PTPRD: variants seen among roughly 807,000 people sequenced by gnomAD.
PTPRD encodes receptor-type tyrosine-protein phosphatase delta.
Under a neutral mutation model 214.5 loss-of-function variants are expected in PTPRD, and 34 were observed. The ratio of observed to expected loss-of-function variants is 0.16; its 90% CI spans 0.12 to 0.21. The LOEUF (loss-of-function observed/expected upper bound fraction) is 0.21, where lower values mean the gene tolerates loss of function less well. Among genes scored for constraint, PTPRD ranks in the 10% least tolerant of loss-of-function variants. The pLI, the probability that PTPRD is intolerant of heterozygous loss-of-function variation, is 1.00. For missense variants in PTPRD, 2,545 were observed against 2,398.7 expected, an observed-to-expected ratio of 1.06 and a Z score of -1.27; for synonymous variants, 1,128 against 845.7, an observed-to-expected ratio of 1.33 and a Z score of -5.79.
rs1231727729 is a variant in PTPRD at position 8,314,876 on chromosome 9, A to G, written c.*2998T>C. ...ATAGTACAAAGGTATAGAAAGTGCA[A>G]AGTTCCCTAGAGGCCCTTCCCTCCC... is the stretch of plus-strand genomic sequence containing the variant. On this transcript the variant is annotated 3_prime_UTR_variant, in exon 46 of 46. Transcript: ENST00000381196. The G allele has an allele frequency of 2.2e-5, 5 of 232,372 alleles. No homozygotes were observed. The highest frequency in any genetic ancestry group is 6.6e-5 in the African/African-American group (3 of 45,238). 14.4% of individuals were successfully genotyped at this position (232,372 alleles called of 1,614,324 possible).
At chr9:9,794,563 A>T (rs1008819446) in intron 5 of PTPRD, among the ~76,000 whole-genome samples, 1 of 152,098 alleles carries the variant, frequency 6.6e-6, no homozygotes, top group Non-Finnish European at 1.5e-5. Context: ...TAATCAAACA[A>T]GGAGAATTTA....
At chr9:9,310,472 A>G (rs978974314) in intron 9 of PTPRD, among the ~76,000 whole-genome samples, 1 of 152,144 alleles carries the variant, frequency 6.6e-6, no homozygotes, top group African/African-American at 2.4e-5. Flanking sequence ...AAGGTAACTG[A>G]TCCTCTGTTG....
intron 38 of PTPRD, among the ~76,000 whole-genome samples, chr9:8,376,310 A>G (rs897163951): frequency 6.6e-6 from 1 of 152,024 alleles, no homozygotes; most frequent in Non-Finnish European, 1.5e-5. Context: ...GAAGCATTAT[A>G]TTTTTCAGGT....
At chr9:9,172,640 A>G (rs1418207046) in intron 10 of PTPRD, among the ~76,000 whole-genome samples, 2 of 152,110 alleles carry the variant, frequency 1.3e-5, no homozygotes, top group African/African-American at 4.8e-5. Flanking sequence ...GCACTGGCAA[A>G]GGGTTTGGCA....
intron 3 of PTPRD, among the ~76,000 whole-genome samples, chr9:10,231,411 A>G (rs2099609274): frequency 6.6e-6 from 1 of 152,012 alleles, no homozygotes. Context: ...AATTACCTAA[A>G]AACCAGTCAA....
At chr9:9,291,321 C>T (rs530711777) in intron 9 of PTPRD, among the ~76,000 whole-genome samples, 7 of 151,384 alleles carry the variant, frequency 4.6e-5, no homozygotes, top group African/African-American at 1.7e-4. Flanking sequence ...TCTTTTAAAC[C>T]GGAAATTTGA....
intron 9 of PTPRD, among the ~76,000 whole-genome samples, chr9:9,249,123 T>C (rs1238293931): frequency 6.6e-6 from 1 of 152,032 alleles, no homozygotes; most frequent in Non-Finnish European, 1.5e-5. Flanking sequence ...TGCCCTCCTA[T>C]GGTTAAGAGT....
rs1363514053 is a variant in PTPRD, at chr9:8,484,200, T to C, written c.3332A>G (p.Lys1111Arg). 1.2e-6 allele frequency: 2 copies of C among 1,614,108 alleles called. No individual in the cohort carries two copies. Among genetic ancestry groups the C allele is most frequent in the Non-Finnish European group, 1.7e-6 (2 of 1,180,040 alleles). ...AKTAPDVLRT[K>R]PAFIGKTNLD... ...GTTGGTCTTCCCAATGAAGGCAGGCTTGGTACGTAATACATCTGGTGCAGT... is the reference window on the plus strand; with the variant it reads ...GTTGGTCTTCCCAATGAAGGCAGGCCTGGTACGTAATACATCTGGTGCAGT... Residue 1111 changes from lysine to arginine, a missense_variant, in exon 30 of 46, where the codon AAG becomes AGG. By Grantham distance (26) the Lys-to-Arg change is conservative (BLOSUM62 2). Transcript: ENST00000381196.
chr9:10,249,732 C>A (rs1002178665), intron 3 of PTPRD, among the ~76,000 whole-genome samples: 8 of 152,040 alleles, frequency 5.3e-5, no homozygotes, highest in African/African-American at 1.4e-4. Flanking sequence ...TATTAATTTT[C>A]CTACCATAAA....
Position 9,360,628 on chromosome 9 carries a change from T to C in PTPRD, c.-203+36821A>G, listed in dbSNP as rs116438461. Among the ~76,000 whole-genome samples, 1,312 of 151,234 alleles carry C rather than the reference T, an allele frequency of 8.7e-3. 23 individuals carry two copies. Among genetic ancestry groups the C allele is most frequent in the African/African-American group, 0.03 (1,242 of 41,410 alleles). On this transcript the variant is annotated intron_variant, in intron 9 of 45. Coordinates refer to ENST00000381196, the MANE Select transcript of PTPRD (RefSeq NM_002839.4). ...AGTATAAAGAAATAAAGTTATTTAG[T>C]AGCAAAAATAACAATCTAGTCATGG...
chr9:10,608,938 C>T (rs1363848188), intron 2 of PTPRD, among the ~76,000 whole-genome samples: 1 of 151,970 alleles, frequency 6.6e-6, no homozygotes. Flanking sequence ...AAACAGTGAA[C>T]CGACAGTAGT....
chr9:9,873,467 C>CT (rs953050032), intron 5 of PTPRD, among the ~76,000 whole-genome samples: 169 of 149,516 alleles, frequency 1.1e-3, no homozygotes, highest in African/African-American at 2.5e-3. Flanking sequence ...ATCTTACTTA[C>CT]TTTTTTTTTT....
chr9:10,561,359 G>A (rs1566941923), intron 2 of PTPRD, among the ~76,000 whole-genome samples: 2 of 152,142 alleles, frequency 1.3e-5, no homozygotes, highest in African/African-American at 4.8e-5. Context: ...TTGACATGGA[G>A]TAGTCTCAGA....
intron 12 of PTPRD, chr9:8,700,625 CAA>C (rs1354760831): frequency 1.3e-5 from 2 of 152,056 alleles, no homozygotes; most frequent in Non-Finnish European, 2.9e-5. Context: ...CAGAAGCACA[CAA>C]AAGAGAAAAA....
At chr9:9,732,788 A>G (rs1269373722) in intron 7 of PTPRD, among the ~76,000 whole-genome samples, 4 of 152,214 alleles carry the variant, frequency 2.6e-5, no homozygotes, top group Admixed American at 2.6e-4. Context: ...AATACTTTTA[A>G]AAATCATTAA....
chr9:10,456,899 C>A (rs1203626273), intron 2 of PTPRD, among the ~76,000 whole-genome samples: 2 of 151,788 alleles, frequency 1.3e-5, no homozygotes, highest in African/African-American at 2.4e-5. Context: ...AGTCCAAAAA[C>A]TAATTGTTTA....
At chr9:9,453,333 A>C (rs2092528474) in intron 8 of PTPRD, among the ~76,000 whole-genome samples, 1 of 147,946 alleles carries the variant, frequency 6.8e-6, no homozygotes, top group African/African-American at 2.6e-5. Flanking sequence ...CAAATATTAA[A>C]AGTAAAACAG....
intron 5 of PTPRD, among the ~76,000 whole-genome samples, chr9:9,834,112 G>A (rs1315097211): frequency 3.3e-5 from 5 of 151,972 alleles, no homozygotes; most frequent in Non-Finnish European, 4.4e-5. Flanking sequence ...GTAAAGACAG[G>A]CATAAGAAAT....
intron 10 of PTPRD, among the ~76,000 whole-genome samples, chr9:9,083,232 C>T (rs1010807344): frequency 2.0e-5 from 3 of 152,044 alleles, no homozygotes; most frequent in African/African-American, 4.8e-5. Flanking sequence ...GAACCCAGGC[C>T]GCAGAAATAA....
Sources: gnomAD v4.1 joint callset for allele counts (sites outside exome capture counted in the v4.1 genomes callset) on GRCh38, gnomAD v4.1.1 for gene constraint, MANE v1.5 for transcripts, NCBI Gene and HGNC (gene_info 2026-07-23, HGNC 2026-07-21) for gene names.